The following UROC1 variants were observed in gnomAD, a reference collection of about 807,000 sequenced individuals.
The protein encoded by UROC1 is urocanate hydratase.
In UROC1, 79 loss-of-function variants were observed where a neutral mutation model predicts 89.5. The observed-to-expected ratio is 0.88, with a 90% CI of 0.74 to 1.06. The LOEUF is 1.06. Among genes scored for constraint, UROC1 ranks in the 50% least tolerant of loss-of-function variants. The pLI, the probability that UROC1 is intolerant of heterozygous loss-of-function variation, is 0.00. For synonymous variants in UROC1, 361 were observed against 354.8 expected, an observed-to-expected ratio of 1.02 and a Z score of -0.20; for missense variants, 885 against 907.8, an observed-to-expected ratio of 0.97 and a Z score of 0.32.
chr3:126,511,742 T>C (rs1023951825), intron 1 of UROC1, among the ~76,000 whole-genome samples: 2 of 152,240 alleles, frequency 1.3e-5, no homozygotes, highest in Non-Finnish European at 2.9e-5. Context: ...ACTTGTGCCC[T>C]AAGCAAAGGA....
chr3:126,482,242 G>A lies in UROC1; in HGVS notation c.*103C>T. The A allele has an allele frequency of 1.3e-6, 2 of 1,532,846 alleles. No individual in the cohort carries two copies. The highest frequency in any genetic ancestry group is 1.8e-6 in the Non-Finnish European group (2 of 1,122,782). 95.0% of individuals were successfully genotyped at this position (1,532,846 alleles called of 1,614,324 possible). ...ATAAGGGCCACGTGAGGATGTGCGA[G>A]AAGTGCAGGTAGTGCGGGTGTGCAG... On this transcript the variant is annotated 3_prime_UTR_variant, in exon 20 of 20. Coordinates refer to ENST00000290868, the MANE Select transcript of UROC1 (RefSeq NM_144639.3).
intron 18 of UROC1, among the ~76,000 whole-genome samples, chr3:126,486,504 G>A (rs948799975): frequency 1.3e-5 from 2 of 152,242 alleles, no homozygotes; most frequent in African/African-American, 2.4e-5. Flanking sequence ...AAACGTGAGC[G>A]CTGGGCAGAT....
intron 18 of UROC1, among the ~76,000 whole-genome samples, chr3:126,484,555 C>T (rs1046577354): frequency 5.3e-5 from 8 of 152,216 alleles, no homozygotes; most frequent in Admixed American, 3.9e-4. Flanking sequence ...TCCAGCTTTC[C>T]CTGCTTCTCT....
intron 2 of UROC1, 110 bp downstream of exon 2, chr3:126,510,554 G>T: frequency 6.6e-7 from 1 of 1,518,264 alleles, no homozygotes; most frequent in Non-Finnish European, 8.9e-7. Flanking sequence ...TGGACAGACT[G>T]GGTTTCCCCC....
chr3:126,499,009 C>T (rs1381614592), intron 13 of UROC1, among the ~76,000 whole-genome samples: 1 of 152,066 alleles, frequency 6.6e-6, no homozygotes, highest in African/African-American at 2.4e-5. Flanking sequence ...CAGCCATCAG[C>T]CACCCACGAG....
intron 9 of UROC1, 99 bp downstream of exon 9, chr3:126,503,896 A>T: frequency 7.4e-7 from 1 of 1,344,264 alleles, no homozygotes; most frequent in Non-Finnish European, 1.1e-6. Context: ...GTCAGGCATT[A>T]AACAGGCCCA....
rs764873333 is a variant in UROC1, at chr3:126,510,801, T to C, written c.127-7A>G. 30 of 1,612,092 alleles carry C rather than the reference T, an allele frequency of 1.9e-5. No homozygotes were observed. In the South Asian group the frequency reaches 3.3e-4, roughly 18 times the overall value. On this transcript the variant is annotated splice_polypyrimidine_tract_variant and splice_region_variant and intron_variant, in intron 1 of 19. Transcript: ENST00000290868. ...GGGCGTTCCTCAGCGCCAGCTGGGG[T>C]AGGAGAGCGGAGAGGCAGTCGGGGC...
At chr3:126,488,379 A>G (rs777483) in intron 17 of UROC1, 100 bp from the exon 18 acceptor site, 996,017 of 1,367,632 alleles carry the variant, frequency 0.73, 365,958 homozygotes, top group Non-Finnish European at 0.76. Context: ...CTGCTAGGCC[A>G]GAAGGATGGG....
At chr3:126,505,866 G>A in intron 7 of UROC1, 22 bp from the exon 8 acceptor site, 1 of 1,612,948 alleles carries the variant, frequency 6.2e-7, no homozygotes. Context: ...AGAGGTGGGG[G>A]CTCACTGCCC....
In UROC1 at chr3:126,503,986, G is replaced by T. The variant is rs755580217; in HGVS notation, c.902+9C>A. 4.3e-6 allele frequency: 7 copies of T among 1,613,886 alleles called. No homozygotes were observed. In the African/African-American group the frequency reaches 6.7e-5, roughly 15 times the overall value. Reference sequence around the variant, plus strand: ...TGTCAGGTGTCCGGAGTTGAGCTTGGAGCTGTACCTGAGCCTCTGGATGCA... The same window carrying T: ...TGTCAGGTGTCCGGAGTTGAGCTTGTAGCTGTACCTGAGCCTCTGGATGCA... On this transcript the variant is annotated intron_variant, in intron 9 of 19. Transcript: ENST00000290868.
intron 18 of UROC1, among the ~76,000 whole-genome samples, chr3:126,485,231 G>C (rs1935484713): frequency 6.6e-6 from 1 of 152,242 alleles, no homozygotes; most frequent in South Asian, 2.1e-4. Flanking sequence ...CACTCTACAA[G>C]CGTTCGCTAT....
intron 15 of UROC1, among the ~76,000 whole-genome samples, chr3:126,492,867 A>G (rs1266036087): frequency 6.6e-6 from 1 of 152,224 alleles, no homozygotes; most frequent in Non-Finnish European, 1.5e-5. Context: ...CTCCTGCTCC[A>G]TCCCACAGTG....
At position 126,498,118 on chromosome 3, in the gene UROC1, G is replaced by A. The variant is rs1354461470; in HGVS notation, c.1371C>T (p.Asp457=). The A allele has an allele frequency of 6.2e-7, 1 of 1,614,196 alleles. No homozygotes were observed. Among genetic ancestry groups the A allele is most frequent in the African/African-American group, 1.3e-5 (1 of 75,060 alleles). ...GPFRWVCTSG[D]PQDLAVTDEL... ...CGTCTGTGACCGCCAGGTCCTGGGG[G>A]TCCCCCGATGTGCACACCCAGCGGA... Residue 457 remains aspartate, a synonymous_variant, in exon 14 of 20, where the codon GAC becomes GAT. Transcript: ENST00000290868.
At chr3:126,501,807 T>C in intron 9 of UROC1, 2 of 1,598,928 alleles carry the variant, frequency 1.3e-6, no homozygotes, top group Non-Finnish European at 1.7e-6. Flanking sequence ...TTACCAGGAG[T>C]GGCCTGGAGA....
intron 18 of UROC1, among the ~76,000 whole-genome samples, chr3:126,486,513 A>G (rs1935518384): frequency 1.3e-5 from 2 of 152,244 alleles, no homozygotes; most frequent in East Asian, 1.9e-4. Flanking sequence ...CGCTGGGCAG[A>G]TGGCACAAAG....
rs780855753 is a variant in UROC1 at position 126,508,097 on chromosome 3, T to TG, written c.412-3dup. 1 of 1,613,810 alleles carries TG rather than the reference T, an allele frequency of 6.2e-7. No individual in the cohort carries two copies. The highest frequency in any genetic ancestry group is 1.1e-5 in the South Asian group (1 of 91,078). On this transcript the variant is annotated splice_polypyrimidine_tract_variant and splice_region_variant and intron_variant, in intron 4 of 19. Coordinates refer to ENST00000290868, the MANE Select transcript of UROC1 (RefSeq NM_144639.3). ...CAAGTAGAACATGGTCAGCCAGAACTGGGGGAAGAGCAGAGCGTGGGGATT... is the reference window on the plus strand; with the variant it reads ...CAAGTAGAACATGGTCAGCCAGAACTGGGGGGAAGAGCAGAGCGTGGGGATT...
chr3:126,496,367 G>A (rs1935778033), intron 14 of UROC1, among the ~76,000 whole-genome samples: 2 of 152,284 alleles, frequency 1.3e-5, no homozygotes, highest in South Asian at 4.1e-4. Context: ...GCTATTCAGT[G>A]CCTACTATAC....
At chr3:126,506,094 A>G in intron 6 of UROC1, 83 bp from the exon 7 acceptor site, 1 of 1,478,376 alleles carries the variant, frequency 6.8e-7, no homozygotes, top group Non-Finnish European at 9.5e-7. Flanking sequence ...TAGGAGGTTG[A>G]AAATTAGTAT....
At chr3:126,501,417 G>T in intron 9 of UROC1, 137 bp from the exon 10 acceptor site, 1 of 1,029,520 alleles carries the variant, frequency 9.7e-7, no homozygotes, top group Non-Finnish European at 1.5e-6. Flanking sequence ...GGGGGCCATG[G>T]GGCTGGGCCA....
Sources: gnomAD v4.1 joint callset for allele counts (sites outside exome capture counted in the v4.1 genomes callset) on GRCh38, gnomAD v4.1.1 for gene constraint, MANE v1.5 for transcripts, NCBI Gene and HGNC (gene_info 2026-07-23, HGNC 2026-07-21) for gene names.